Variants in MAP3K7CL observed in about 807,000 individuals in gnomAD.
MAP3K7CL encodes MAP3K7 C-terminal like.
In MAP3K7CL, 16 loss-of-function variants were observed where a neutral mutation model predicts 18.6. That is an observed-to-expected ratio of 0.86 (90% CI 0.58 to 1.31). MAP3K7CL has a LOEUF of 1.31. Ranked by LOEUF, MAP3K7CL falls within the 50% of genes most tolerant of loss-of-function variation. The pLI is 0.00. For synonymous variants in MAP3K7CL, 65 were observed against 66.8 expected (o/e 0.97, Z 0.13); for missense variants, 163 against 174.4 (o/e 0.93, Z 0.37).
rs766680699 is a variant in MAP3K7CL, at chr21:29,092,515, G to A, written c.304G>A (p.Asp102Asn). 16 of 1,614,104 alleles carry A rather than the reference G, an allele frequency of 9.9e-6. No individual in the cohort carries two copies. The highest frequency in any genetic ancestry group is 1.6e-4 in the Middle Eastern group (1 of 6,084). The change falls in exon 4 of 7, where the codon GAT (aspartate) becomes AAT (asparagine). Residue 102 changes from aspartate (D) to asparagine (N), a missense_variant. Transcript: ENST00000286791. ...AAAGGTCAGCAAGTTGGCTACTGGC[G>A]ATTGGATGCTCACTCTGAAGCCAAA...
At chr21:29,144,960 G>A (rs1040088461) in intron 2 of MAP3K7CL, among the ~76,000 whole-genome samples, 4 of 152,154 alleles carry the variant, frequency 2.6e-5, no homozygotes, top group Non-Finnish European at 4.4e-5. Flanking sequence ...GCTTAAGGAC[G>A]TTGGCTTAGT....
intron 1 of MAP3K7CL, 41 bp from the exon 2 acceptor site, chr21:29,133,265 A>G: frequency 6.8e-7 from 1 of 1,479,526 alleles, no homozygotes; most frequent in Non-Finnish European, 9.2e-7. Context: ...TAGGGGGATG[A>G]TGCTGGATAA....
chr21:29,082,834 T>C (rs898928793), upstream of MAP3K7CL, among the ~76,000 whole-genome samples: 1 of 152,286 alleles, frequency 6.6e-6, no homozygotes, highest in East Asian at 1.9e-4. Flanking sequence ...ACAACTTCAT[T>C]CAACAAGTTT....
At chr21:29,096,917 A>G (rs917357602) in intron 4 of MAP3K7CL, among the ~76,000 whole-genome samples, 1 of 152,194 alleles carries the variant, frequency 6.6e-6, no homozygotes, top group Admixed American at 6.5e-5. Context: ...CAGGTAGTTC[A>G]AGGTTTACAG....
rs1276087563 is a variant in MAP3K7CL, at chr21:29,133,399, C to T, written c.55C>T (p.Leu19Phe). The T allele has an allele frequency of 2.6e-6, 4 of 1,548,724 alleles. No individual in the cohort carries two copies. Among genetic ancestry groups the T allele is most frequent in the Non-Finnish European group, 3.5e-6 (4 of 1,145,702 alleles). Residue 19 changes from leucine to phenylalanine, a missense_variant, in exon 2 of 5, where the codon CTC becomes TTC. By Grantham distance (22) the Leu-to-Phe change is conservative (BLOSUM62 0). Coordinates refer to ENST00000399928, the MANE Select transcript of MAP3K7CL (RefSeq NM_001286620.2). Reference protein sequence around the residue: ...ADKPVRIAFSLNDASDDTPPE... With the variant: ...ADKPVRIAFSFNDASDDTPPE... Reference sequence around the variant, plus strand: ...CAAGCCTGTACGCATCGCCTTTAGCCTCAATGACGCCTCAGGTATACTCTG... The same window carrying T: ...CAAGCCTGTACGCATCGCCTTTAGCTTCAATGACGCCTCAGGTATACTCTG...
chr21:29,096,587 A>G (rs752441640), intron 4 of MAP3K7CL, among the ~76,000 whole-genome samples: 8 of 152,204 alleles, frequency 5.3e-5, no homozygotes, highest in Non-Finnish European at 4.4e-5. Flanking sequence ...CAGTGACCAG[A>G]TTGTGTTCAA....
intron 4 of MAP3K7CL, among the ~76,000 whole-genome samples, chr21:29,119,910 C>T (rs2086564377): frequency 1.3e-5 from 2 of 152,142 alleles, no homozygotes; most frequent in African/African-American, 2.4e-5. Context: ...GGTAATCCAT[C>T]CACCTCGGCC....
chr21:29,169,245 C>T (rs148628388), intron 4 of MAP3K7CL, among the ~76,000 whole-genome samples: 15 of 152,326 alleles, frequency 9.8e-5, no homozygotes, highest in East Asian at 3.9e-4. Flanking sequence ...TCCTCCTGCA[C>T]GGGTGCAGTG....
chr21:29,084,717 C>G (rs577496453), upstream of MAP3K7CL, among the ~76,000 whole-genome samples: 23 of 152,266 alleles, frequency 1.5e-4, no homozygotes, highest in Non-Finnish European at 3.4e-4. Context: ...AATGCACCAT[C>G]GAGGTGAAAG....
chr21:29,107,991 C>T lies in MAP3K7CL; in HGVS notation c.370+15410C>T, dbSNP rs1395789451. On this transcript the variant is annotated intron_variant, in intron 4 of 6. Coordinates refer to the MAP3K7CL transcript ENST00000286791. ...GCCCAACAACATTGCAAGGAACATA[C>T]TTATTTACATATATTTTGATAAATG... Among the ~76,000 whole-genome samples the T allele has an allele frequency of 2.0e-5, 3 of 152,156 alleles. No homozygotes were observed. The East Asian group carries it at 5.8e-4, about 29-fold the overall frequency.
intron 4 of MAP3K7CL, among the ~76,000 whole-genome samples, chr21:29,170,741 C>T (rs1036771715): frequency 9.2e-5 from 14 of 151,634 alleles, no homozygotes; most frequent in Non-Finnish European, 1.2e-4. Context: ...CAGGTTCCAG[C>T]GATTCTCCTG....
upstream of MAP3K7CL, among the ~76,000 whole-genome samples, chr21:29,130,302 G>A (rs557038063): frequency 6.6e-6 from 1 of 152,180 alleles, no homozygotes; most frequent in Non-Finnish European, 1.5e-5. Context: ...AGCCCAACAT[G>A]GGCTCAACCT....
Position 29,130,935 on chromosome 21 carries a change from G to A in MAP3K7CL, c.-40+12G>A. The A allele has an allele frequency of 1.0e-6, 1 of 985,214 alleles. No individual in the cohort carries two copies. 61.0% of individuals were successfully genotyped at this position (985,214 alleles called of 1,614,324 possible). A position where few individuals can be genotyped will look rare whatever the true frequency, so the allele number is the denominator to read the frequency against. On this transcript the variant is annotated intron_variant, in intron 1 of 4. Coordinates refer to ENST00000399928, the MANE Select transcript of MAP3K7CL (RefSeq NM_001286620.2). ...CTCAACTAAGTGAGGTAAGCCAACA[G>A]GTGTGAAAACTGAACTAAATGCTCA... is the stretch of plus-strand genomic sequence containing the variant.
intron 4 of MAP3K7CL, among the ~76,000 whole-genome samples, chr21:29,174,005 C>T (rs1414355733): frequency 6.6e-6 from 1 of 152,186 alleles, no homozygotes; most frequent in East Asian, 1.9e-4. Flanking sequence ...CAACCTTTAG[C>T]TCCTTATAAT....
intron 4 of MAP3K7CL, among the ~76,000 whole-genome samples, chr21:29,120,184 CT>C (rs59143891): frequency 2.6e-4 from 37 of 144,000 alleles, no homozygotes; most frequent in Non-Finnish European, 2.3e-4. Context: ...GGGGAATTTT[CT>C]TTTTTTTTTT....
intron 4 of MAP3K7CL, among the ~76,000 whole-genome samples, chr21:29,124,092 T>C (rs951631930): frequency 3.3e-5 from 5 of 152,140 alleles, no homozygotes; most frequent in Admixed American, 2.6e-4. Context: ...TGGTGGCTCA[T>C]GCCTGTAATC....
At chr21:29,130,972 A>G (rs1172820240) in intron 1 of MAP3K7CL, 49 bp downstream of exon 1, 2 of 957,890 alleles carry the variant, frequency 2.1e-6, no homozygotes, top group Non-Finnish European at 2.5e-6. Flanking sequence ...ATCAGCAGCA[A>G]CTTAACCAAA....
chr21:29,150,034 T>A (rs536842505), intron 3 of MAP3K7CL, among the ~76,000 whole-genome samples: 1 of 152,262 alleles, frequency 6.6e-6, no homozygotes, highest in South Asian at 2.1e-4. Flanking sequence ...AGTCACCACT[T>A]TTTTCTCCTA....
At chr21:29,100,986 A>G (rs1170581783) in intron 4 of MAP3K7CL, among the ~76,000 whole-genome samples, 1 of 150,328 alleles carries the variant, frequency 6.7e-6, no homozygotes, top group Non-Finnish European at 1.5e-5. Context: ...TGCTGGGATT[A>G]CAGGCATGAG....
Sources: gnomAD v4.1 joint callset for allele counts (sites outside exome capture counted in the v4.1 genomes callset) on GRCh38, gnomAD v4.1.1 for gene constraint, MANE v1.5 for transcripts, NCBI Gene and HGNC (gene_info 2026-07-23, HGNC 2026-07-21) for gene names.